Variants in HSD17B8 observed in about 807,000 individuals in gnomAD.
HSD17B8 encodes hydroxysteroid 17-beta dehydrogenase 8, also known as (3R)-3-hydroxyacyl-CoA dehydrogenase.
A neutral mutation model predicts 33.2 loss-of-function variants in HSD17B8; 23 were observed. The observed-to-expected ratio is 0.69, with a 90% CI of 0.50 to 0.98. The LOEUF (loss-of-function observed/expected upper bound fraction) is 0.98, where lower values mean the gene tolerates loss of function less well. Among genes scored for constraint, HSD17B8 ranks in the 50% least tolerant of loss-of-function variants. The pLI, the probability that HSD17B8 is intolerant of heterozygous loss-of-function variation, is 0.00. For synonymous variants in HSD17B8, 137 were observed against 138.6 expected (o/e 0.99, Z 0.08); for missense variants, 345 against 347.5 (o/e 0.99, Z 0.06).
Position 33,206,196 on chromosome 6 carries a change from G to C in HSD17B8, c.694+20G>C. 6.2e-7 allele frequency: 1 copy of C among 1,611,500 alleles called. No individual in the cohort carries two copies. The highest frequency in any genetic ancestry group is 1.1e-5 in the South Asian group (1 of 91,030). On this transcript the variant is annotated intron_variant, in intron 7 of 8. Coordinates refer to ENST00000374662, the MANE Select transcript of HSD17B8 (RefSeq NM_014234.5). This position sits in a 1 kb window ranked among gnomAD's most constrained non-coding sequence, Gnocchi z 6.2. ...CTGAGGGTGAGCACTGAATGTAGTG[G>C]GGTCCCTGGGAAGGGGGCCTGAATG...
In HSD17B8 at chr6:33,204,928, G is replaced by C. The variant is rs202140618; in HGVS notation, c.79G>C (p.Val27Leu). The change falls in exon 2 of 9, where the codon GTC (valine) becomes CTC (leucine). Residue 27 changes from valine (V) to leucine (L), a missense_variant. Coordinates refer to ENST00000374662, the MANE Select transcript of HSD17B8 (RefSeq NM_014234.5). Reference sequence around the variant, plus strand: ...TGCGGGGAGCGGCATCGGCCGAGCGGTCAGTGTACGCCTGGCCGGAGAGGG... The same window carrying C: ...TGCGGGGAGCGGCATCGGCCGAGCGCTCAGTGTACGCCTGGCCGGAGAGGG... ...TGAGSGIGRA[V>L]SVRLAGEGAT... 908 of 1,466,504 alleles carry C rather than the reference G, an allele frequency of 6.2e-4. No individual in the cohort carries two copies. Among genetic ancestry groups the C allele is most frequent in the Non-Finnish European group, 6.0e-4 (662 of 1,110,354 alleles). The allele number at this position is 1,466,504 out of a possible 1,614,324, so 90.8% of individuals were successfully genotyped here.
chr6:33,205,902 T>G lies in HSD17B8; in HGVS notation c.641T>G (p.Val214Gly). 1 of 1,612,038 alleles carries G rather than the reference T, an allele frequency of 6.2e-7. No individual in the cohort carries two copies. Among genetic ancestry groups the G allele is most frequent in the African/African-American group, 1.3e-5 (1 of 74,796 alleles). Residue 214 changes from valine (V) to glycine (G), a missense_variant, in exon 6 of 9, where the codon GTG becomes GGG. Coordinates refer to ENST00000374662, the MANE Select transcript of HSD17B8 (RefSeq NM_014234.5). The surrounding 1 kb of genome is among the most constrained non-coding windows in gnomAD (Gnocchi z 5.0). ...TPMTQKVPQKVVDKITEMIPM... is the reference protein window; with the variant it reads ...TPMTQKVPQKGVDKITEMIPM... Reference sequence around the variant, plus strand: ...ATGACACAGAAAGTGCCACAGAAAGTGGTGGACAAGGTAGGAGGCTGTGGG... The same window carrying G: ...ATGACACAGAAAGTGCCACAGAAAGGGGTGGACAAGGTAGGAGGCTGTGGG...
In HSD17B8 at chr6:33,206,364, C is replaced by T; in HGVS notation, c.695-11C>T. 1 of 1,612,774 alleles carries T rather than the reference C, an allele frequency of 6.2e-7. No individual in the cohort carries two copies. Among genetic ancestry groups the T allele is most frequent in the Non-Finnish European group, 8.5e-7 (1 of 1,179,356 alleles). ...GAGCAGAATTCTGCCCTCTCCCCAC[C>T]ATTCTCATAGATGTGGCAGATGTGG... On this transcript the variant is annotated splice_polypyrimidine_tract_variant and intron_variant, in intron 7 of 8. Transcript: ENST00000374662. The surrounding 1 kb of genome is among the most constrained non-coding windows in gnomAD (Gnocchi z 6.2).
chr6:33,204,904 G>C lies in HSD17B8; in HGVS notation c.55G>C (p.Ala19Pro). The C allele has an allele frequency of 6.8e-7, 1 of 1,467,296 alleles. No individual in the cohort carries two copies. Among genetic ancestry groups the C allele is most frequent in the South Asian group, 1.4e-5 (1 of 71,318 alleles). The allele number at this position is 1,467,296 out of a possible 1,614,324, so 90.9% of individuals were successfully genotyped here. ...CGGCGTGTTCTGTCCTACCTCAGGT[G>C]CGGGGAGCGGCATCGGCCGAGCGGT... Reference protein sequence around the residue: ...LRSALALVTGAGSGIGRAVSV... With the variant: ...LRSALALVTGPGSGIGRAVSV... Residue 19 changes from alanine to proline, a missense_variant and splice_region_variant, in exon 2 of 9, where the codon GCG (alanine) becomes CCG (proline). Ala to Pro is a conservative substitution (Grantham distance 27). Transcript: ENST00000374662.
Position 33,206,040 on chromosome 6 carries a change from A to G in HSD17B8, c.652-94A>G. ...CTGGCAAACATTAAATATTCAATGA[A>G]TGTATGAGAAATGAAGACAAAAAAG... On this transcript the variant is annotated intron_variant, in intron 6 of 8. Transcript: ENST00000374662. This position sits in a 1 kb window ranked among gnomAD's most constrained non-coding sequence, Gnocchi z 6.2. 6.8e-7 allele frequency: 1 copy of G among 1,462,156 alleles called. No individual in the cohort carries two copies. The highest frequency in any genetic ancestry group is 1.2e-5 in the South Asian group (1 of 86,176). 90.6% of individuals were successfully genotyped at this position (1,462,156 alleles called of 1,614,324 possible).
In HSD17B8 at chr6:33,205,517, A is replaced by G; in HGVS notation, c.458A>G (p.Asn153Ser). 3.7e-6 allele frequency: 6 copies of G among 1,613,040 alleles called. No homozygotes were observed. The highest frequency in any genetic ancestry group is 5.1e-6 in the Non-Finnish European group (6 of 1,179,984). ...VSNGCRGSII[N>S]ISSIVGKVGN... Reference sequence around the variant, plus strand: ...AATGGTTGTCGTGGTTCCATCATCAACATCAGTAGCATCGTAGGAAAGGTC... The same window carrying G: ...AATGGTTGTCGTGGTTCCATCATCAGCATCAGTAGCATCGTAGGAAAGGTC... Residue 153 changes from asparagine to serine, a missense_variant, in exon 4 of 9, where the codon AAC (asparagine) becomes AGC (serine). By Grantham distance (46) the Asn-to-Ser change is conservative. Transcript: ENST00000374662. This position sits in a 1 kb window ranked among gnomAD's most constrained non-coding sequence, Gnocchi z 5.0.
At position 33,204,730 on chromosome 6, in the gene HSD17B8, G is replaced by C; in HGVS notation, c.52+10G>C. The C allele has an allele frequency of 6.2e-7, 1 of 1,613,042 alleles. No homozygotes were observed. Among genetic ancestry groups the C allele is most frequent in the South Asian group, 1.1e-5 (1 of 91,066 alleles). Reference sequence around the variant, plus strand: ...CTGGCCTTGGTCACAGGTTGAGGGGGTTCTTTCCCCGGGCGGTTTGGGGTA... The same window carrying C: ...CTGGCCTTGGTCACAGGTTGAGGGGCTTCTTTCCCCGGGCGGTTTGGGGTA... On this transcript the variant is annotated intron_variant, in intron 1 of 8. Transcript: ENST00000374662.
Position 33,205,243 on chromosome 6 carries a change from C to T in HSD17B8, c.293C>T (p.Ser98Phe), listed in dbSNP as rs776045109. 6.2e-7 allele frequency: 1 copy of T among 1,613,300 alleles called. No homozygotes were observed. Among genetic ancestry groups the T allele is most frequent in the Non-Finnish European group, 8.5e-7 (1 of 1,180,008 alleles). The change falls in exon 3 of 9, where the codon TCT (serine) becomes TTT (phenylalanine). Residue 98 changes from serine to phenylalanine, a missense_variant. Transcript: ENST00000374662. This position sits in a 1 kb window ranked among gnomAD's most constrained non-coding sequence, Gnocchi z 5.0. The part of the protein sequence containing the change: ...QVQACFSRPP[S>F]VVVSCAGITQ... The stretch of plus-strand genomic sequence containing the variant: ...TAGGCCTGCTTTTCTCGCCCACCAT[C>T]TGTCGTTGTGTCCTGTGCGGGCATC...
chr6:33,206,606 T>C lies in HSD17B8; in HGVS notation c.770-32T>C, dbSNP rs754817043. The C allele has an allele frequency of 2.5e-6, 4 of 1,613,238 alleles. No individual in the cohort carries two copies. The South Asian group carries it at 4.4e-5, about 18-fold the overall frequency. ...CCTAGCCCATTTGTGTCTCCACCCATGCATCTGTCCAAATGTTTCTGCCCC... is the reference window on the plus strand; with the variant it reads ...CCTAGCCCATTTGTGTCTCCACCCACGCATCTGTCCAAATGTTTCTGCCCC... On this transcript the variant is annotated intron_variant, in intron 8 of 8. Transcript: ENST00000374662. The surrounding 1 kb of genome is among the most constrained non-coding windows in gnomAD (Gnocchi z 6.2).
rs780338885 is a variant in HSD17B8 at position 33,205,709 on chromosome 6, G to T, written c.550G>T (p.Ala184Ser). The change falls in exon 5 of 9, where the codon GCC becomes TCC. Residue 184 changes from alanine (A) to serine (S), a missense_variant. By Grantham distance (99) the Ala-to-Ser change is moderately conservative (BLOSUM62 1). Transcript: ENST00000374662. This position sits in a 1 kb window ranked among gnomAD's most constrained non-coding sequence, Gnocchi z 5.0. ...AGTGATTGGGCTGACCCAGACCGCA[G>T]CCCGGGAGCTTGGACGGTTGGTCAG... ...AGVIGLTQTA[A>S]RELGRHGIRC... The T allele has an allele frequency of 6.2e-7, 1 of 1,613,094 alleles. No individual in the cohort carries two copies. The highest frequency in any genetic ancestry group is 8.5e-7 in the Non-Finnish European group (1 of 1,180,042).
chr6:33,206,478 G>A lies in HSD17B8; in HGVS notation c.769+29G>A, dbSNP rs1262425113. ...TGAGGCCAGCATGGGGAGGGAGAGG[G>A]CAGAGAAGTAGAACCCAGACTATAT... On this transcript the variant is annotated intron_variant, in intron 8 of 8. Coordinates refer to ENST00000374662, the MANE Select transcript of HSD17B8 (RefSeq NM_014234.5). This position sits in a 1 kb window ranked among gnomAD's most constrained non-coding sequence, Gnocchi z 6.2. 2 of 1,599,456 alleles carry A rather than the reference G, an allele frequency of 1.3e-6. No homozygotes were observed. Among genetic ancestry groups the A allele is most frequent in the East Asian group, 2.2e-5 (1 of 44,808 alleles).
At position 33,205,486 on chromosome 6, in the gene HSD17B8, G is replaced by T. The variant is rs1774965852; in HGVS notation, c.427G>T (p.Val143Leu). The change falls in exon 4 of 9, where the codon GTG becomes TTG. Residue 143 changes from valine to leucine, a missense_variant. By Grantham distance (32) the Val-to-Leu change is conservative (BLOSUM62 1). Transcript: ENST00000374662. The surrounding 1 kb of genome is among the most constrained non-coding windows in gnomAD (Gnocchi z 5.0). ...CACTCAGGCTGCAGCACAAGCCCTG[G>T]TGTCCAATGGTTGTCGTGGTTCCAT... Reference protein sequence around the residue: ...LVTQAAAQALVSNGCRGSIIN... With the variant: ...LVTQAAAQALLSNGCRGSIIN... 6.2e-7 allele frequency: 1 copy of T among 1,612,996 alleles called. No homozygotes were observed.
rs113117452 is a variant in HSD17B8, at chr6:33,205,738, C to T, written c.566+13C>T. 1 of 1,612,918 alleles carries T rather than the reference C, an allele frequency of 6.2e-7. No homozygotes were observed. Among genetic ancestry groups the T allele is most frequent in the Admixed American group, 1.7e-5 (1 of 60,020 alleles). Reference sequence around the variant, plus strand: ...GGGAGCTTGGACGGTTGGTCAGATGCTTGAGGGTGCTGGGGAGCACCTGGG... The same window carrying T: ...GGGAGCTTGGACGGTTGGTCAGATGTTTGAGGGTGCTGGGGAGCACCTGGG... On this transcript the variant is annotated intron_variant, in intron 5 of 8. Coordinates refer to ENST00000374662, the MANE Select transcript of HSD17B8 (RefSeq NM_014234.5). The surrounding 1 kb of genome is among the most constrained non-coding windows in gnomAD (Gnocchi z 5.0).
chr6:33,206,376 T>C lies in HSD17B8; in HGVS notation c.696T>C (p.Asp232=). 1 of 1,613,524 alleles carries C rather than the reference T, an allele frequency of 6.2e-7. No homozygotes were observed. Among genetic ancestry groups the C allele is most frequent in the East Asian group, 2.2e-5 (1 of 44,886 alleles). Residue 232 remains aspartate, a splice_region_variant and synonymous_variant, in exon 8 of 9, where the codon GAT becomes GAC. Coordinates refer to ENST00000374662, the MANE Select transcript of HSD17B8 (RefSeq NM_014234.5). The surrounding 1 kb of genome is among the most constrained non-coding windows in gnomAD (Gnocchi z 6.2). ...GCCCTCTCCCCACCATTCTCATAGA[T>C]GTGGCAGATGTGGTCGCATTCTTGG... ...IPMGHLGDPE[D]VADVVAFLAS... is the part of the protein sequence containing the mutation.
At position 33,205,114 on chromosome 6, in the gene HSD17B8, G is replaced by A. The variant is rs746006075; in HGVS notation, c.265G>A (p.Val89Met). Reference protein sequence around the residue: ...ARAARCLLEQVQACFSRPPSV... With the variant: ...ARAARCLLEQMQACFSRPPSV... ...GGCCGCCAGGTGCCTGCTGGAACAAGTGCAGGTGAACGCTAGGCCACTTTC... is the reference window on the plus strand; with the variant it reads ...GGCCGCCAGGTGCCTGCTGGAACAAATGCAGGTGAACGCTAGGCCACTTTC... The change falls in exon 2 of 9, where the codon GTG (valine) becomes ATG (methionine). Residue 89 changes from valine (V) to methionine (M), a missense_variant. Transcript: ENST00000374662. The surrounding 1 kb of genome is among the most constrained non-coding windows in gnomAD (Gnocchi z 5.0). 5.1e-6 allele frequency: 8 copies of A among 1,573,118 alleles called. No homozygotes were observed. In the South Asian group the frequency reaches 9.5e-5, roughly 19 times the overall value.
Position 33,204,763 on chromosome 6 carries a change from G to C in HSD17B8, c.52+43G>C, listed in dbSNP as rs771070307. ...CCCGGGCGGTTTGGGGTATTGGAGT[G>C]AGGTCAGGGGCGTGCCCTTGGAGTG... On this transcript the variant is annotated intron_variant, in intron 1 of 8. Transcript: ENST00000374662. 3.7e-6 allele frequency: 6 copies of C among 1,610,306 alleles called. No individual in the cohort carries two copies. The South Asian group carries it at 6.6e-5, about 18-fold the overall frequency.
Position 33,206,003 on chromosome 6 carries a change from TGGG to T in HSD17B8, c.651+92_651+94del. On this transcript the variant is annotated intron_variant, in intron 6 of 8. Coordinates refer to ENST00000374662, the MANE Select transcript of HSD17B8 (RefSeq NM_014234.5). The surrounding 1 kb of genome is among the most constrained non-coding windows in gnomAD (Gnocchi z 6.2). Reference sequence around the variant, plus strand: ...AGAGAGAGAGAGAGAGAGAGAATACTGGGCACAGTTCCTGGCAAACATTAAATA... The same window carrying T: ...AGAGAGAGAGAGAGAGAGAGAATACTCACAGTTCCTGGCAAACATTAAATA... The T allele has an allele frequency of 8.5e-7, 1 of 1,180,082 alleles. No individual in the cohort carries two copies. The highest frequency in any genetic ancestry group is 1.2e-6 in the Non-Finnish European group (1 of 819,870). 73.1% of individuals were successfully genotyped at this position (1,180,082 alleles called of 1,614,324 possible). A position where few individuals can be genotyped will look rare whatever the true frequency, so the allele number is the denominator to read the frequency against.
Position 33,205,855 on chromosome 6 carries a change from C to G in HSD17B8, c.594C>G (p.Leu198=). ...ATGGGATCCGCTGTAACTCTGTCCT[C>G]CCAGGGTTCATTGCAACACCCATGA... ...GRHGIRCNSV[L]PGFIATPMTQ... The change falls in exon 6 of 9, where the codon CTC becomes CTG. Residue 198 remains leucine (L), a synonymous_variant. Coordinates refer to ENST00000374662, the MANE Select transcript of HSD17B8 (RefSeq NM_014234.5). This position sits in a 1 kb window ranked among gnomAD's most constrained non-coding sequence, Gnocchi z 5.0. The G allele has an allele frequency of 4.3e-6, 7 of 1,612,932 alleles. No individual in the cohort carries two copies. Among genetic ancestry groups the G allele is most frequent in the Non-Finnish European group, 5.9e-6 (7 of 1,179,974 alleles).
chr6:33,205,499 G>A lies in HSD17B8; in HGVS notation c.440G>A (p.Cys147Tyr), dbSNP rs372114440. ...AAAQALVSNG[C>Y]RGSIINISSI... ...GCACAAGCCCTGGTGTCCAATGGTT[G>A]TCGTGGTTCCATCATCAACATCAGT... Residue 147 changes from cysteine (C) to tyrosine (Y), a missense_variant, in exon 4 of 9, where the codon TGT becomes TAT. Cys to Tyr is a radical substitution (Grantham distance 194). Transcript: ENST00000374662. This position sits in a 1 kb window ranked among gnomAD's most constrained non-coding sequence, Gnocchi z 5.0. 1.3e-5 allele frequency: 21 copies of A among 1,613,014 alleles called. No homozygotes were observed. In the East Asian group the frequency reaches 1.6e-4, roughly 12 times the overall value.
Sources: allele counts gnomAD v4.1 joint callset, GRCh38; gene constraint gnomAD v4.1.1; non-coding constraint Gnocchi (gnomAD v3.1); transcripts MANE v1.5; gene names NCBI Gene and HGNC (gene_info 2026-07-23, HGNC 2026-07-21).